TENM2: variants seen among roughly 807,000 people sequenced by gnomAD.
TENM2 encodes teneurin-2.
A neutral mutation model predicts 245.2 loss-of-function variants in TENM2; 52 were observed. The ratio of observed to expected loss-of-function variants is 0.21; its 90% confidence interval spans 0.17 to 0.27. The LOEUF (loss-of-function observed/expected upper bound fraction) is 0.27, where lower values mean the gene tolerates loss of function less well. TENM2 is among the 10% of genes least tolerant of loss of function. The pLI is 1.00. For synonymous variants in TENM2, 1,363 were observed against 1,438.9 expected, an observed-to-expected ratio of 0.95 and a Z score of 1.19; for missense variants, 3,046 against 3,666.8, an observed-to-expected ratio of 0.83 and a Z score of 4.37.
chr5:168,044,106 T>A (rs910974746), intron 5 of TENM2, among the ~76,000 whole-genome samples: 15 of 152,214 alleles, frequency 9.9e-5, no homozygotes, highest in Non-Finnish European at 7.3e-5. Flanking sequence ...TCTACTATGG[T>A]ACCTGGCTAT....
chr5:167,595,026 A>G (rs772232474), intron 2 of TENM2, among the ~76,000 whole-genome samples: 3 of 152,192 alleles, frequency 2.0e-5, no homozygotes, highest in African/African-American at 4.8e-5. Flanking sequence ...AACTGCCAGG[A>G]CTGATCAGTG....
intron 2 of TENM2, among the ~76,000 whole-genome samples, chr5:167,472,853 T>C (rs1160063351): frequency 6.6e-6 from 1 of 152,202 alleles, no homozygotes; most frequent in Non-Finnish European, 1.5e-5. Context: ...ACTCATACAC[T>C]TCAGGAAGCC....
intron 1 of TENM2, among the ~76,000 whole-genome samples, chr5:167,298,827 G>T (rs1755129323): frequency 6.6e-6 from 1 of 152,228 alleles, no homozygotes; most frequent in Non-Finnish European, 1.5e-5. Flanking sequence ...ATGGCTTGGA[G>T]AAACAGTGTA....
At chr5:167,273,455 A>G in the TENM2 span, among the ~76,000 whole-genome samples, 2 of 152,284 alleles carry the variant, frequency 1.3e-5, 1 homozygote, top group East Asian at 3.9e-4. Context: ...CCCCACATGA[A>G]TTGTTGACCT....
At chr5:167,418,110 A>G (rs1001692741) in intron 2 of TENM2, among the ~76,000 whole-genome samples, 1 of 152,108 alleles carries the variant, frequency 6.6e-6, no homozygotes, top group Non-Finnish European at 1.5e-5. Flanking sequence ...TGGGTGGATC[A>G]CCTGAGGTCA....
At chr5:167,413,002 G>T (rs1417403554) in intron 2 of TENM2, among the ~76,000 whole-genome samples, 3 of 152,082 alleles carry the variant, frequency 2.0e-5, no homozygotes, top group Admixed American at 1.3e-4. Flanking sequence ...TGGAAAGAAG[G>T]ATTAGAAATG....
intron 2 of TENM2, among the ~76,000 whole-genome samples, chr5:167,527,322 A>T (rs946107624): frequency 3.5e-4 from 54 of 152,268 alleles, no homozygotes; most frequent in African/African-American, 1.1e-3. Context: ...CCACAAAAGA[A>T]AAAAATTCAG....
intron 2 of TENM2, among the ~76,000 whole-genome samples, chr5:167,495,883 G>T (rs987722649): frequency 3.3e-5 from 5 of 152,040 alleles, no homozygotes; most frequent in Non-Finnish European, 7.4e-5. Context: ...AAGAAATTAT[G>T]TCATTGGTTA....
At chr5:167,435,652 A>C (rs1764507984) in intron 2 of TENM2, among the ~76,000 whole-genome samples, 1 of 152,196 alleles carries the variant, frequency 6.6e-6, no homozygotes, top group South Asian at 2.1e-4. Flanking sequence ...GCAACTTTGG[A>C]ACTGGGTAAC....
intron 2 of TENM2, among the ~76,000 whole-genome samples, chr5:167,424,741 G>GA (rs1000507566): frequency 2.2e-4 from 33 of 149,370 alleles, no homozygotes; most frequent in East Asian, 2.1e-3. Context: ...TATTTTACGT[G>GA]AAAAAAAAAA....
intron 2 of TENM2, among the ~76,000 whole-genome samples, chr5:167,563,998 A>G (rs1313145756): frequency 6.6e-6 from 1 of 152,194 alleles, no homozygotes; most frequent in Non-Finnish European, 1.5e-5. Flanking sequence ...CTGGTGCACG[A>G]CTGTACTTAC....
At chr5:167,675,853 C>T (rs181748622) in intron 2 of TENM2, among the ~76,000 whole-genome samples, 1 of 152,118 alleles carries the variant, frequency 6.6e-6, no homozygotes, top group Non-Finnish European at 1.5e-5. Flanking sequence ...ATTGTTAGAT[C>T]CAAATAATAA....
chr5:166,999,658 C>G, the TENM2 span, among the ~76,000 whole-genome samples: 1 of 152,052 alleles, frequency 6.6e-6, no homozygotes, highest in African/African-American at 2.4e-5. Context: ...GCCCAGATTG[C>G]CTTCAGGGTT....
intron 12 of TENM2, among the ~76,000 whole-genome samples, chr5:168,157,938 T>A (rs369358842): frequency 7.0e-4 from 106 of 152,216 alleles, no homozygotes; most frequent in African/African-American, 2.4e-3. Context: ...TTGTTGTTGT[T>A]TTGAGACCGA....
intron 25 of TENM2, chr5:168,230,760 A>C (rs1475002299): frequency 6.6e-6 from 1 of 152,226 alleles, no homozygotes; most frequent in Non-Finnish European, 1.5e-5. Flanking sequence ...CGGAACAAGG[A>C]GACTCTAGAG....
At chr5:167,500,189 G>T (rs1203336878) in intron 2 of TENM2, among the ~76,000 whole-genome samples, 3 of 151,976 alleles carry the variant, frequency 2.0e-5, no homozygotes, top group African/African-American at 7.2e-5. Context: ...AAATAGATCT[G>T]CCAGTGTGCA....
At chr5:167,431,605 T>A (rs1458350871) in intron 2 of TENM2, among the ~76,000 whole-genome samples, 2 of 152,166 alleles carry the variant, frequency 1.3e-5, no homozygotes, top group East Asian at 3.9e-4. Flanking sequence ...AAAAATAGAT[T>A]GCATTCAATC....
At chr5:167,461,597 G>A (rs959693836) in intron 2 of TENM2, among the ~76,000 whole-genome samples, 1 of 152,140 alleles carries the variant, frequency 6.6e-6, no homozygotes, top group Admixed American at 6.5e-5. Flanking sequence ...GGGTTATTTA[G>A]CAACATATCT....
At chr5:167,371,576 G>A (rs1030046137) in intron 1 of TENM2, among the ~76,000 whole-genome samples, 35 of 152,020 alleles carry the variant, frequency 2.3e-4, no homozygotes, top group South Asian at 2.1e-4. Flanking sequence ...TGTCAGGCTG[G>A]TCTCGAACTC....
Sources: gnomAD v4.1 joint callset for allele counts (sites outside exome capture counted in the v4.1 genomes callset) on GRCh38, gnomAD v4.1.1 for gene constraint, MANE v1.5 for transcripts, NCBI Gene and HGNC (gene_info 2026-07-23, HGNC 2026-07-21) for gene names.